Variants in MBNL3 observed in about 807,000 individuals in gnomAD.
MBNL3 encodes muscleblind like splicing regulator 3, also known as muscleblind-like protein 3.
A neutral mutation model predicts 24.5 loss-of-function variants in MBNL3; 6 were observed. The observed-to-expected ratio is 0.25, with a 90% CI of 0.13 to 0.48. The LOEUF is 0.48. MBNL3 is among the 20% of genes least tolerant of loss of function. The pLI is 0.99. For missense variants in MBNL3, 230 were observed against 293.5 expected (o/e 0.78, Z 1.58); for synonymous variants, 100 against 101.7 (o/e 0.98, Z 0.10).
chrX:132,489,452 C>T (rs368078510), upstream of MBNL3, among the ~76,000 whole-genome samples: 5 of 111,596 alleles, frequency 4.5e-5, no homozygotes, highest in African/African-American at 1.6e-4. Flanking sequence ...GGCTCCCGCC[C>T]GGGCTCGCAG....
At chrX:132,444,315 C>A (rs1352106219) in intron 1 of MBNL3, among the ~76,000 whole-genome samples, 1 of 110,924 alleles carries the variant, frequency 9.0e-6, no homozygotes, top group Admixed American at 9.7e-5. Flanking sequence ...GCTTTGGCCA[C>A]CTCTGTTAGT....
chrX:132,444,052 T>C (rs909351479), intron 1 of MBNL3, among the ~76,000 whole-genome samples: 1 of 90,750 alleles, frequency 1.1e-5, no homozygotes, highest in Non-Finnish European at 2.1e-5. Flanking sequence ...ATGGCATCTA[T>C]CATATTCTTC....
chrX:132,488,559 G>T (rs1321335635), intron 1 of MBNL3, among the ~76,000 whole-genome samples: 2 of 110,534 alleles, frequency 1.8e-5, no homozygotes, highest in African/African-American at 6.6e-5. Flanking sequence ...AAAAGCATTT[G>T]CTGATTATAT....
At chrX:132,489,167 G>A (rs1948163883), upstream of MBNL3, among the ~76,000 whole-genome samples, 1 of 112,843 alleles carries the variant, frequency 8.9e-6, no homozygotes, top group South Asian at 3.7e-4. Context: ...CTACAGACAC[G>A]CGCACGCTGA....
Position 132,377,523 on chromosome X carries a change from C to T in MBNL3, c.*2143G>A, listed in dbSNP as rs1934252368. The stretch of plus-strand genomic sequence containing the variant: ...ATTCCCAGAAAGCTAATTTTGCTCT[C>T]TTATATTCTGAGCCAAATGGGTCTG... On this transcript the variant is annotated 3_prime_UTR_variant, in exon 9 of 9. Coordinates refer to ENST00000370853, the MANE Select transcript of MBNL3 (RefSeq NM_001386889.1). 9.0e-6 allele frequency: 1 copy of T among 110,972 alleles called. No individual in the cohort carries two copies. The highest frequency in any genetic ancestry group is 9.6e-5 in the Admixed American group (1 of 10,404). 9.1% of individuals were successfully genotyped at this position (110,972 alleles called of 1,213,427 possible).
rs778687041 is a variant in MBNL3, at chrX:132,372,213, T to C, written c.*7453A>G. ...AGTTGGTACTCATGAAATATTCTGGTCATTATTTAAATATGTTACACATGG... is the reference window on the plus strand; with the variant it reads ...AGTTGGTACTCATGAAATATTCTGGCCATTATTTAAATATGTTACACATGG... On this transcript the variant is annotated 3_prime_UTR_variant, in exon 9 of 9. Transcript: ENST00000370853. 6 of 110,707 alleles carry C rather than the reference T, an allele frequency of 5.4e-5. No homozygotes were observed. The highest frequency in any genetic ancestry group is 7.6e-5 in the Non-Finnish European group (4 of 52,785). 9.1% of individuals were successfully genotyped at this position (110,707 alleles called of 1,213,427 possible).
intron 1 of MBNL3, among the ~76,000 whole-genome samples, chrX:132,484,718 T>C (rs1328421488): frequency 9.0e-6 from 1 of 111,531 alleles, no homozygotes; most frequent in Non-Finnish European, 1.9e-5. Flanking sequence ...GCCCTTTATT[T>C]CTAAGCCCTT....
intron 1 of MBNL3, among the ~76,000 whole-genome samples, chrX:132,449,776 G>A (rs972041529): frequency 1.8e-5 from 2 of 110,643 alleles, no homozygotes; most frequent in African/African-American, 6.6e-5. Context: ...GTATGTTGTT[G>A]CAGTGGCTGG....
intron 2 of MBNL3, among the ~76,000 whole-genome samples, chrX:132,434,525 A>G (rs1944998835): frequency 8.9e-6 from 1 of 112,202 alleles, no homozygotes. Flanking sequence ...ATGCCACTTG[A>G]ACCAGCTAAT....
intron 1 of MBNL3, among the ~76,000 whole-genome samples, chrX:132,468,609 A>C (rs1469567491): frequency 8.9e-6 from 1 of 112,514 alleles, no homozygotes; most frequent in Admixed American, 9.4e-5. Context: ...TTTACTGCTC[A>C]TAACTACCCT....
Position 132,379,420 on chromosome X carries a change from G to A in MBNL3, c.*246C>T. On this transcript the variant is annotated 3_prime_UTR_variant, in exon 9 of 9. Coordinates refer to ENST00000370853, the MANE Select transcript of MBNL3 (RefSeq NM_001386889.1). ...TTACCAAATTTTATGGTCATGTTCT[G>A]CTTGATAATTCAAATAGGATGGATG... The A allele has an allele frequency of 3.0e-6, 1 of 334,007 alleles. No homozygotes were observed. The highest frequency in any genetic ancestry group is 5.3e-6 in the Non-Finnish European group (1 of 189,532). 27.5% of individuals were successfully genotyped at this position (334,007 alleles called of 1,213,427 possible).
At chrX:132,423,900 T>C (rs1446922972) in intron 2 of MBNL3, among the ~76,000 whole-genome samples, 1 of 111,601 alleles carries the variant, frequency 9.0e-6, no homozygotes, top group Admixed American at 9.5e-5. Context: ...AATGCAGAAA[T>C]GGAATTAGCC....
rs1404517882 is a variant in MBNL3 at position 132,378,918 on chromosome X, T to C, written c.*748A>G. 8.9e-6 allele frequency: 1 copy of C among 112,244 alleles called. No homozygotes were observed. Among genetic ancestry groups the C allele is most frequent in the East Asian group, 2.8e-4 (1 of 3,585 alleles). 9.3% of individuals were successfully genotyped at this position (112,244 alleles called of 1,213,427 possible). On this transcript the variant is annotated 3_prime_UTR_variant, in exon 9 of 9. Transcript: ENST00000370853. ...CTCTTTAAAAAATCTAGTAATTTGA[T>C]TGTATTATGCAACATCAGATCTGCA... is the stretch of plus-strand genomic sequence containing the variant.
intron 2 of MBNL3, among the ~76,000 whole-genome samples, chrX:132,422,131 G>A (rs747205382): frequency 2.4e-3 from 243 of 100,621 alleles, no homozygotes; most frequent in African/African-American, 1.0e-2. Context: ...TATACTATGT[G>A]TGTGTGTGTG....
intron 2 of MBNL3, among the ~76,000 whole-genome samples, chrX:132,434,673 G>A (rs1945010208): frequency 2.7e-5 from 3 of 111,842 alleles, no homozygotes; most frequent in Non-Finnish European, 3.8e-5. Context: ...CATTCAACAA[G>A]CACAAGGTGA....
chrX:132,480,861 T>C (rs189085119), intron 1 of MBNL3, among the ~76,000 whole-genome samples: 189 of 111,577 alleles, frequency 1.7e-3, no homozygotes, highest in African/African-American at 5.9e-3. Context: ...CGAAGGCCCA[T>C]GCAATCCCAG....
At chrX:132,422,817 G>C (rs1943949875) in intron 2 of MBNL3, among the ~76,000 whole-genome samples, 1 of 111,461 alleles carries the variant, frequency 9.0e-6, no homozygotes, top group Non-Finnish European at 1.9e-5. Flanking sequence ...AGAATTACCG[G>C]GAGAGTTTCT....
chrX:132,476,483 G>A (rs1301246383), intron 1 of MBNL3, among the ~76,000 whole-genome samples: 1 of 111,737 alleles, frequency 8.9e-6, no homozygotes, highest in Non-Finnish European at 1.9e-5. Context: ...AGGAAACCAT[G>A]CAGCTCTTTC....
chrX:132,382,199 A>G lies in MBNL3; in HGVS notation c.1032T>C (p.Ala344=). ...ATTPATSVPF[A]APTTGNQLKF ...AAACCTGATTGCCTGTAGTTGGTGCAGCGAACGGAACGCTGGTGGCAGGTG... is the reference window on the plus strand; with the variant it reads ...AAACCTGATTGCCTGTAGTTGGTGCGGCGAACGGAACGCTGGTGGCAGGTG... Residue 344 remains alanine (A), a synonymous_variant, in exon 8 of 9, where the codon GCT becomes GCC. Transcript: ENST00000370853. The G allele has an allele frequency of 8.3e-7, 1 of 1,211,097 alleles. No individual in the cohort carries two copies. The highest frequency in any genetic ancestry group is 1.1e-6 in the Non-Finnish European group (1 of 894,947).
Sources: allele counts gnomAD v4.1 joint callset (sites outside exome capture counted in the v4.1 genomes callset), GRCh38; gene constraint gnomAD v4.1.1; transcripts MANE v1.5; gene names NCBI Gene and HGNC (gene_info 2026-07-23, HGNC 2026-07-21).